Variants in CTIF observed in about 807,000 individuals in gnomAD.
The protein encoded by CTIF is CBP80/20-dependent translation initiation factor.
CTIF carries 21 observed loss-of-function variants against 66.0 expected under a neutral mutation model. That is an observed-to-expected ratio of 0.32 (90% confidence interval 0.23 to 0.46). CTIF has a LOEUF of 0.46. Among genes scored for constraint, CTIF ranks in the 20% least tolerant of loss-of-function variants. CTIF has a pLI of 1.00. For missense variants in CTIF, 739 were observed against 812.7 expected (o/e 0.91, Z 1.10); for synonymous variants, 345 against 326.4 (o/e 1.06, Z -0.62).
At chr18:48,563,754 G>C (rs1292744198) in intron 1 of CTIF, among the ~76,000 whole-genome samples, 1 of 152,234 alleles carries the variant, frequency 6.6e-6, no homozygotes, top group African/African-American at 2.4e-5. Context: ...TTACAGGCGT[G>C]AGCCACCGTG....
intron 6 of CTIF, among the ~76,000 whole-genome samples, chr18:48,704,484 A>G (rs1201665899): frequency 4.6e-5 from 7 of 152,208 alleles, no homozygotes; most frequent in Admixed American, 2.0e-4. Context: ...CGGGGCCGCC[A>G]TAACAAAGGA....
intron 1 of CTIF, among the ~76,000 whole-genome samples, chr18:48,615,860 G>T (rs892750484): frequency 6.6e-6 from 1 of 152,224 alleles, no homozygotes; most frequent in Non-Finnish European, 1.5e-5. Flanking sequence ...AGGAATGGCC[G>T]AGAGGACGTG....
intron 5 of CTIF, 67 bp downstream of exon 5, chr18:48,664,618 A>T: frequency 7.5e-7 from 1 of 1,335,334 alleles, no homozygotes; most frequent in Non-Finnish European, 1.1e-6. Context: ...CTTTGCCTCC[A>T]CAGGGAGGCT....
chr18:48,733,656 G>A (rs1446213503), intron 7 of CTIF, among the ~76,000 whole-genome samples: 1 of 152,226 alleles, frequency 6.6e-6, no homozygotes, highest in African/African-American at 2.4e-5. Context: ...GAGCAACTAG[G>A]ATTATTGAGG....
intron 6 of CTIF, among the ~76,000 whole-genome samples, chr18:48,695,421 C>A (rs1005724862): frequency 6.6e-6 from 1 of 152,320 alleles, no homozygotes; most frequent in African/African-American, 2.4e-5. Flanking sequence ...TGGATGGGCA[C>A]TCGCTGCCGT....
At chr18:48,678,097 G>C (rs1568127516) in intron 6 of CTIF, among the ~76,000 whole-genome samples, 1 of 152,204 alleles carries the variant, frequency 6.6e-6, no homozygotes, top group Non-Finnish European at 1.5e-5. Context: ...AGGAGGAAGA[G>C]GTGCTGGAAA....
chr18:48,758,332 G>T lies in CTIF; in HGVS notation c.998G>T (p.Arg333Leu). 2 of 1,612,254 alleles carry T rather than the reference G, an allele frequency of 1.2e-6. No individual in the cohort carries two copies. Among genetic ancestry groups the T allele is most frequent in the African/African-American group, 1.3e-5 (1 of 75,022 alleles). The change falls in exon 8 of 12, where the codon CGC (arginine) becomes CTC (leucine). Residue 333 changes from arginine to leucine, a missense_variant. This residue lies in a region of CTIF where 529 missense variants were observed against 520.3 expected (regional missense o/e 1.02). Transcript: ENST00000256413. ...CGTAAAGACAGTATTCTTCCCGAGC[G>T]CATCGGGGAGCGGCCCAAAATTACC... is the stretch of plus-strand genomic sequence containing the variant. ...TKRKDSILPERIGERPKITLL... is the reference protein window; with the variant it reads ...TKRKDSILPELIGERPKITLL...
At chr18:48,781,115 G>C (rs1273986981) in intron 9 of CTIF, among the ~76,000 whole-genome samples, 2 of 152,234 alleles carry the variant, frequency 1.3e-5, no homozygotes, top group Non-Finnish European at 2.9e-5. Flanking sequence ...CAAAGGGTTT[G>C]CTTGCAAAAG....
At chr18:48,634,628 G>C in intron 2 of CTIF, among the ~76,000 whole-genome samples, 1 of 152,252 alleles carries the variant, frequency 6.6e-6, no homozygotes, top group African/African-American at 2.4e-5. Context: ...GAGGCATAGA[G>C]AGATGGGAGA....
chr18:48,619,570 A>G lies in CTIF; in HGVS notation c.5A>G (p.Glu2Gly). 1 of 1,557,728 alleles carries G rather than the reference A, an allele frequency of 6.4e-7. No homozygotes were observed. Among genetic ancestry groups the G allele is most frequent in the Non-Finnish European group, 8.7e-7 (1 of 1,151,474 alleles). Residue 2 changes from glutamate to glycine, a missense_variant, in exon 2 of 12, where the codon GAA becomes GGA. Transcript: ENST00000256413. Reference sequence around the variant, plus strand: ...CCAGGCCCCTGAGCTGGAGGGATGGAAAACTCCTCTGCAGCATCAGCCTCC... The same window carrying G: ...CCAGGCCCCTGAGCTGGAGGGATGGGAAACTCCTCTGCAGCATCAGCCTCC... M[E>G]NSSAASASSE...
intron 1 of CTIF, among the ~76,000 whole-genome samples, chr18:48,556,990 A>G (rs189388897): frequency 2.0e-5 from 3 of 152,350 alleles, no homozygotes; most frequent in East Asian, 3.9e-4. Flanking sequence ...TATATGTTAT[A>G]CACTTAGCCC....
At chr18:48,603,058 T>C (rs2144162869) in intron 1 of CTIF, among the ~76,000 whole-genome samples, 1 of 145,462 alleles carries the variant, frequency 6.9e-6, no homozygotes, top group Admixed American at 6.8e-5. Context: ...TATGGATGGA[T>C]AAGAATGGGT....
At chr18:48,641,718 C>T (rs2090936616) in intron 3 of CTIF, among the ~76,000 whole-genome samples, 1 of 152,234 alleles carries the variant, frequency 6.6e-6, no homozygotes, top group Admixed American at 6.5e-5. Flanking sequence ...TAGAGTCTCT[C>T]CAGAAATCTC....
intron 7 of CTIF, among the ~76,000 whole-genome samples, chr18:48,717,980 G>T (rs915209030): frequency 2.6e-5 from 4 of 152,162 alleles, no homozygotes; most frequent in Middle Eastern, 3.2e-3. Context: ...GGCCTCAAGT[G>T]CTCCTCTCCC....
At chr18:48,588,991 G>A (rs2089832469) in intron 1 of CTIF, among the ~76,000 whole-genome samples, 1 of 152,144 alleles carries the variant, frequency 6.6e-6, no homozygotes, top group Admixed American at 6.5e-5. Context: ...TCCTCCAGAG[G>A]TTAAGTAGAT....
chr18:48,822,099 T>C (rs940335624), intron 10 of CTIF, among the ~76,000 whole-genome samples: 11 of 152,248 alleles, frequency 7.2e-5, no homozygotes, highest in African/African-American at 2.7e-4. Context: ...GACTGGCTTA[T>C]TTCATTTAGT....
In CTIF at chr18:48,826,090, G is replaced by A. The variant is rs537467477; in HGVS notation, c.1527+8714G>A. On this transcript the variant is annotated intron_variant, in intron 10 of 11. Coordinates refer to ENST00000256413, the MANE Select transcript of CTIF (RefSeq NM_014772.3). ...CGTGGGACTTTAACCTCATTCTTCC[G>A]TCTTTTGAAACCTCGATTTTCTTAT... The A allele has an allele frequency of 1.1e-4, 16 of 152,246 alleles. No homozygotes were observed. In the East Asian group the frequency reaches 1.5e-3, roughly 15 times the overall value. The allele number at this position is 152,246 out of a possible 1,614,324, so 9.4% of individuals were successfully genotyped here.
chr18:48,746,053 G>A (rs985649582), intron 7 of CTIF, among the ~76,000 whole-genome samples: 3 of 152,264 alleles, frequency 2.0e-5, no homozygotes, highest in African/African-American at 7.2e-5. Flanking sequence ...TGGCTGGGCT[G>A]TGAGGCCTAA....
At chr18:48,638,097 G>T (rs1251902829) in intron 3 of CTIF, among the ~76,000 whole-genome samples, 1 of 152,014 alleles carries the variant, frequency 6.6e-6, no homozygotes, top group Admixed American at 6.6e-5. Flanking sequence ...GGGACCCCAT[G>T]TTATGCTCCC....
Sources: gnomAD v4.1 joint callset for allele counts (sites outside exome capture counted in the v4.1 genomes callset) on GRCh38, gnomAD v4.1.1 for gene constraint, gnomAD v4.1.1 regional missense constraint, MANE v1.5 for transcripts, NCBI Gene and HGNC (gene_info 2026-07-23, HGNC 2026-07-21) for gene names.